The following WDR88 variants were observed in gnomAD, a reference collection of about 807,000 sequenced individuals.
WDR88 encodes WD repeat domain 88.
Under a neutral mutation model 46.8 loss-of-function variants are expected in WDR88, and 40 were observed. The ratio of observed to expected loss-of-function variants is 0.86; its 90% CI spans 0.66 to 1.11. The LOEUF (loss-of-function observed/expected upper bound fraction) is 1.11, where lower values mean the gene tolerates loss of function less well. Among genes scored for constraint, WDR88 ranks in the 50% most tolerant of loss-of-function variants. WDR88 has a pLI of 0.00. For synonymous variants in WDR88, 235 were observed against 240.7 expected (o/e 0.98, Z 0.22); for missense variants, 562 against 602.4 (o/e 0.93, Z 0.70).
chr19:33,156,297 T>A (rs1973733306), intron 6 of WDR88, 58 bp from the exon 7 acceptor site: 4 of 1,559,226 alleles, frequency 2.6e-6, no homozygotes, highest in Non-Finnish European at 3.5e-6. Context: ...TTTAGGTATG[T>A]CTTCAGGTCC....
intron 2 of WDR88, among the ~76,000 whole-genome samples, chr19:33,138,252 A>C (rs1973316843): frequency 6.6e-6 from 1 of 152,054 alleles, no homozygotes; most frequent in African/African-American, 2.4e-5. Flanking sequence ...GGGTTTCACC[A>C]TGTTGGTCAG....
At chr19:33,147,817 C>T in intron 4 of WDR88, 109 bp downstream of exon 4, 2 of 919,436 alleles carry the variant, frequency 2.2e-6, no homozygotes, top group Non-Finnish European at 3.3e-6. Context: ...AAACTCCATT[C>T]TTCTAGGAAG....
chr19:33,151,551 G>T (rs911741336), intron 6 of WDR88, among the ~76,000 whole-genome samples: 13 of 152,144 alleles, frequency 8.5e-5, no homozygotes, highest in Non-Finnish European at 1.5e-4. Context: ...GTGCAGAGAA[G>T]TCCACAAAAG....
chr19:33,137,227 C>T (rs1465800935), intron 1 of WDR88, among the ~76,000 whole-genome samples: 1 of 148,654 alleles, frequency 6.7e-6, no homozygotes, highest in Non-Finnish European at 1.5e-5. Flanking sequence ...GCTGGGATTA[C>T]AGGGATGAGC....
At chr19:33,172,273 G>C (rs1974050535) in intron 9 of WDR88, 75 bp from the exon 10 acceptor site, 2 of 1,274,036 alleles carry the variant, frequency 1.6e-6, no homozygotes, top group Admixed American at 2.0e-5. Flanking sequence ...CATGTCTTTT[G>C]ATTGTTGAAT....
chr19:33,174,376 A>G, intron 10 of WDR88: 1 of 1,427,332 alleles, frequency 7.0e-7, no homozygotes, highest in Non-Finnish European at 9.2e-7. Flanking sequence ...TGGGAGAGCC[A>G]GGGCAGGGGC....
At chr19:33,168,531 C>T (rs1210079686) in intron 9 of WDR88, among the ~76,000 whole-genome samples, 1 of 152,080 alleles carries the variant, frequency 6.6e-6, no homozygotes, top group Admixed American at 6.6e-5. Context: ...GCATATAAAA[C>T]AATACTTAGG....
chr19:33,175,610 A>C lies in WDR88; in HGVS notation c.*38A>C. 6.2e-7 allele frequency: 1 copy of C among 1,611,956 alleles called. No individual in the cohort carries two copies. Among genetic ancestry groups the C allele is most frequent in the Non-Finnish European group, 8.5e-7 (1 of 1,178,938 alleles). On this transcript the variant is annotated 3_prime_UTR_variant, in exon 11 of 11. Coordinates refer to ENST00000355868, the MANE Select transcript of WDR88 (RefSeq NM_173479.4). ...CCTTTGAGTGACTCCAGCACAGGCT[A>C]CCTAGCATGTAGGTTTCGGGGCTTT...
intron 6 of WDR88, among the ~76,000 whole-genome samples, chr19:33,155,677 GCTGT>G (rs1488584804): frequency 6.6e-6 from 1 of 152,170 alleles, no homozygotes; most frequent in African/African-American, 2.4e-5. Flanking sequence ...AGCCCCAAAG[GCTGT>G]CTGTCAATCA....
rs1973175808 is a variant in WDR88, at chr19:33,133,225, A to AAATT, written c.276+782_276+783insTTAA. ...GAGAGAGAGAGAGAAAGAAAGAAAG[A>AAATT]AAAAGAAAAAGAAAGAAAGAAGGAG... is the stretch of plus-strand genomic sequence containing the variant. On this transcript the variant is annotated intron_variant, in intron 1 of 10. Coordinates refer to ENST00000355868, the MANE Select transcript of WDR88 (RefSeq NM_173479.4). Among the ~76,000 whole-genome samples, 3 of 146,360 alleles carry AAATT rather than the reference A, an allele frequency of 2.0e-5. No homozygotes were observed. In the South Asian group the frequency reaches 6.3e-4, roughly 31 times the overall value.
At chr19:33,167,959 C>G (rs1973981013) in intron 9 of WDR88, among the ~76,000 whole-genome samples, 1 of 151,966 alleles carries the variant, frequency 6.6e-6, no homozygotes, top group Non-Finnish European at 1.5e-5. Context: ...TTCAAGTGAT[C>G]TGCCCACCTT....
At chr19:33,174,351 G>T in intron 10 of WDR88, 2 of 1,455,312 alleles carry the variant, frequency 1.4e-6, no homozygotes, top group Non-Finnish European at 1.8e-6. Context: ...GGGCAGAACA[G>T]CAAAGCCCAG....
chr19:33,141,382 G>T (rs1281550815), intron 2 of WDR88, among the ~76,000 whole-genome samples: 1 of 151,838 alleles, frequency 6.6e-6, no homozygotes, highest in Non-Finnish European at 1.5e-5. Context: ...GGAACAGGCT[G>T]CCATGCCCAG....
At chr19:33,160,711 G>A (rs970556180) in intron 8 of WDR88, among the ~76,000 whole-genome samples, 6 of 152,194 alleles carry the variant, frequency 3.9e-5, no homozygotes, top group South Asian at 2.1e-4. Context: ...GGACAGAGGC[G>A]GGGGACCCAT....
intron 9 of WDR88, 26 bp from the exon 10 acceptor site, chr19:33,172,322 G>C: frequency 6.3e-7 from 1 of 1,585,950 alleles, no homozygotes; most frequent in Non-Finnish European, 8.6e-7. Context: ...CCTGTTTTGT[G>C]ACCGCTGGTT....
Position 33,160,491 on chromosome 19 carries a change from T to A in WDR88, c.1075T>A (p.Leu359Met). The A allele has an allele frequency of 6.2e-7, 1 of 1,614,154 alleles. No individual in the cohort carries two copies. The highest frequency in any genetic ancestry group is 8.5e-7 in the Non-Finnish European group (1 of 1,180,022). Residue 359 changes from leucine to methionine, a missense_variant, in exon 8 of 11, where the codon TTG (leucine) becomes ATG (methionine). Coordinates refer to ENST00000355868, the MANE Select transcript of WDR88 (RefSeq NM_173479.4). ...AGCAGAAGGCTACCGGAAGCTCTCT[T>A]TGAAGGTACATGTGGCCAGCATGAG... ...DVAEGYRKLSLKGHNDWVMDV... is the reference protein window; with the variant it reads ...DVAEGYRKLSMKGHNDWVMDV...
chr19:33,170,196 G>C (rs2145423534), intron 9 of WDR88, among the ~76,000 whole-genome samples: 1 of 148,476 alleles, frequency 6.7e-6, no homozygotes, highest in South Asian at 2.1e-4. Context: ...ATGTTTTAAA[G>C]AGACAGGGTC....
At chr19:33,143,422 T>C (rs1015504241) in intron 2 of WDR88, among the ~76,000 whole-genome samples, 11 of 146,120 alleles carry the variant, frequency 7.5e-5, no homozygotes, top group African/African-American at 2.8e-4. Context: ...GGCAGGAGGA[T>C]CGCTTGAGCC....
chr19:33,153,573 C>T (rs1973677364), intron 6 of WDR88, among the ~76,000 whole-genome samples: 1 of 152,178 alleles, frequency 6.6e-6, no homozygotes, highest in Non-Finnish European at 1.5e-5. Flanking sequence ...CGGCTCGCTG[C>T]AACCTCCGCC....
Sources: allele counts gnomAD v4.1 joint callset (sites outside exome capture counted in the v4.1 genomes callset), GRCh38; gene constraint gnomAD v4.1.1; transcripts MANE v1.5; gene names NCBI Gene and HGNC (gene_info 2026-07-23, HGNC 2026-07-21).